ANK3: variants seen among roughly 807,000 people sequenced by gnomAD.
The protein encoded by ANK3 is ankyrin-3.
ANK3 carries 57 observed loss-of-function variants against 370.9 expected under a neutral mutation model. The ratio of observed to expected loss-of-function variants is 0.15; its 90% CI spans 0.12 to 0.19. The LOEUF is 0.19. ANK3 is among the 10% of genes least tolerant of loss of function. ANK3 has a pLI of 1.00. For synonymous variants in ANK3, 1,929 were observed against 1,946.3 expected (o/e 0.99, Z 0.23); for missense variants, 4,439 against 5,302.1 (o/e 0.84, Z 5.06).
chr10:60,138,856 C>T, intron 24 of ANK3, 108 bp downstream of exon 24: 1 of 1,428,140 alleles, frequency 7.0e-7, no homozygotes, highest in Non-Finnish European at 9.6e-7. Flanking sequence ...TTCACATCTT[C>T]ATCCAAAGAA....
intron 18 of ANK3, among the ~76,000 whole-genome samples, chr10:60,179,685 G>GAA (rs59353719): frequency 2.1e-5 from 3 of 140,028 alleles, no homozygotes; most frequent in African/African-American, 5.3e-5. Context: ...CCTCTTGGAG[G>GAA]AAAAAAAAAA....
intron 25 of ANK3, among the ~76,000 whole-genome samples, chr10:60,124,541 A>G (rs1237299148): frequency 1.3e-5 from 2 of 152,216 alleles, no homozygotes; most frequent in South Asian, 2.1e-4. Context: ...GCATCCCTCT[A>G]TGTAGATATT....
At chr10:60,430,750 G>T (rs4347329) in intron 2 of ANK3, among the ~76,000 whole-genome samples, 56,886 of 151,726 alleles carry the variant, frequency 0.37, 10,932 homozygotes, top group South Asian at 0.44. Flanking sequence ...TTCTCAGAAG[G>T]CTAAGTTTTA....
chr10:60,175,792 C>T (rs1324421800), intron 18 of ANK3, among the ~76,000 whole-genome samples: 1 of 152,162 alleles, frequency 6.6e-6, no homozygotes, highest in Non-Finnish European at 1.5e-5. Flanking sequence ...AGCTCTGCTA[C>T]TTACTATCTG....
At chr10:60,400,789 G>C (rs1172994410) in intron 2 of ANK3, among the ~76,000 whole-genome samples, 7 of 152,062 alleles carry the variant, frequency 4.6e-5, no homozygotes, top group African/African-American at 1.4e-4. Flanking sequence ...ATGGTGGTTT[G>C]CTGCACCTAT....
chr10:60,479,815 A>G (rs1025840120), intron 2 of ANK3, among the ~76,000 whole-genome samples: 4 of 152,162 alleles, frequency 2.6e-5, no homozygotes, highest in Non-Finnish European at 5.9e-5. Flanking sequence ...CACAGCCAAA[A>G]TTAACCTCCA....
At chr10:60,600,312 A>T (rs996791710) in intron 2 of ANK3, among the ~76,000 whole-genome samples, 1 of 152,104 alleles carries the variant, frequency 6.6e-6, no homozygotes, top group Non-Finnish European at 1.5e-5. Context: ...ATTTGCCAAG[A>T]CTACTCCTAA....
chr10:60,034,602 C>T (rs1444102602), intron 43 of ANK3, among the ~76,000 whole-genome samples: 1 of 152,204 alleles, frequency 6.6e-6, no homozygotes, highest in Non-Finnish European at 1.5e-5. Context: ...TTCTACCCTT[C>T]AAATTTGTTT....
intron 23 of ANK3, among the ~76,000 whole-genome samples, chr10:60,146,412 T>C (rs2094825956): frequency 6.6e-6 from 1 of 152,180 alleles, no homozygotes; most frequent in African/African-American, 2.4e-5. Flanking sequence ...GTAAAGAGCA[T>C]AGTACCTGAT....
chr10:60,600,366 TCTGATGCTCCTGCATACCC>T (rs903200952), intron 2 of ANK3, among the ~76,000 whole-genome samples: 4 of 152,168 alleles, frequency 2.6e-5, no homozygotes, highest in African/African-American at 9.7e-5. Context: ...TTTTCATATA[TCTGATGCTCCTGCATACCC>T]AGACTTCAGT....
intron 43 of ANK3, 44 bp downstream of exon 43, chr10:60,042,628 A>G: frequency 6.5e-7 from 1 of 1,541,076 alleles, no homozygotes; most frequent in South Asian, 1.2e-5. Context: ...TATAAGTTTC[A>G]CAGGAATTTA....
At chr10:60,374,098 A>C (rs1345581647) in intron 1 of ANK3, among the ~76,000 whole-genome samples, 4 of 151,856 alleles carry the variant, frequency 2.6e-5, no homozygotes, top group African/African-American at 4.8e-5. Context: ...TTGTGCTCCA[A>C]GTATCCCTTG....
Position 60,196,594 on chromosome 10 carries a change from T to G in ANK3, c.1721A>C (p.Lys574Thr). The G allele has an allele frequency of 6.2e-7, 1 of 1,611,778 alleles. No homozygotes were observed. Among genetic ancestry groups the G allele is most frequent in the Non-Finnish European group, 8.5e-7 (1 of 1,179,502 alleles). The change falls in exon 15 of 44, where the codon AAA becomes ACA. Residue 574 changes from lysine (K) to threonine (T), a missense_variant. Coordinates refer to ENST00000280772, the MANE Select transcript of ANK3 (RefSeq NM_020987.5). ...ATTGGCGACTTCAAGCTTTCCATAT[T>G]TTGCTGCCACATGAAGAGGAGTAAA... Reference protein sequence around the residue: ...KGFTPLHVAAKYGKLEVANLL... With the variant: ...KGFTPLHVAATYGKLEVANLL...
In ANK3 at chr10:60,074,875, T is replaced by C. The variant is rs998569612; in HGVS notation, c.6006A>G (p.Gln2002=). The change falls in exon 37 of 44, where the codon CAA becomes CAG. Residue 2002 remains glutamine (Q), a synonymous_variant. Coordinates refer to ENST00000280772, the MANE Select transcript of ANK3 (RefSeq NM_020987.5). ...ATGGAGACTGGCTCGCAGCAGCTTG[T>C]TGTCTGGCTTCCCGGATTTCTTCCG... ...FSSEEIREAR[Q]QAAASQSPSL... 9 of 1,613,796 alleles carry C rather than the reference T, an allele frequency of 5.6e-6. 1 individual carries two copies. Among genetic ancestry groups the C allele is most frequent in the East Asian group, 2.2e-5 (1 of 44,876 alleles).
At chr10:60,267,053 C>T (rs1395550478) in intron 5 of ANK3, among the ~76,000 whole-genome samples, 3 of 152,130 alleles carry the variant, frequency 2.0e-5, no homozygotes, top group Non-Finnish European at 2.9e-5. Flanking sequence ...CACAATTATA[C>T]TTAAGTCTTG....
At chr10:60,124,157 T>G (rs561875311) in intron 25 of ANK3, among the ~76,000 whole-genome samples, 131 of 152,084 alleles carry the variant, frequency 8.6e-4, no homozygotes, top group African/African-American at 2.9e-3. Flanking sequence ...CCCCTAGATA[T>G]TTATTTATTT....
chr10:60,372,716 C>T (rs1192462160), intron 1 of ANK3, among the ~76,000 whole-genome samples: 6 of 152,204 alleles, frequency 3.9e-5, no homozygotes, highest in Non-Finnish European at 8.8e-5. Context: ...CAGTCCCTTC[C>T]ATCTCTAAGA....
chr10:60,475,197 T>C (rs565000695), intron 2 of ANK3, among the ~76,000 whole-genome samples: 62 of 149,728 alleles, frequency 4.1e-4, no homozygotes, highest in Non-Finnish European at 7.1e-4. Flanking sequence ...AAAGCAATGA[T>C]ATGAATCTCA....
Position 60,175,322 on chromosome 10 carries a change from CG to C in ANK3, c.2185-2137del, listed in dbSNP as rs1289561656. Among the ~76,000 whole-genome samples, 10 of 152,208 alleles carry C rather than the reference CG, an allele frequency of 6.6e-5. No individual in the cohort carries two copies. In the East Asian group the frequency reaches 1.9e-3, roughly 29 times the overall value. ...ATCAGATGTGGGCTCCTCCATTCATCGGGGTTAACAGCATTCCCATACAAAA... is the reference window on the plus strand; with the variant it reads ...ATCAGATGTGGGCTCCTCCATTCATCGGGTTAACAGCATTCCCATACAAAA... On this transcript the variant is annotated intron_variant, in intron 18 of 43. Transcript: ENST00000280772.
Sources: allele counts gnomAD v4.1 joint callset (sites outside exome capture counted in the v4.1 genomes callset), GRCh38; gene constraint gnomAD v4.1.1; transcripts MANE v1.5; gene names NCBI Gene and HGNC (gene_info 2026-07-23, HGNC 2026-07-21).